ZNF723: variants seen among roughly 807,000 people sequenced by gnomAD.
ZNF723 encodes the protein zinc finger protein 723.
ZNF723 carries 5 observed loss-of-function variants against 9.4 expected under a neutral mutation model. The ratio of observed to expected loss-of-function variants is 0.53; its 90% CI spans 0.28 to 1.12. The LOEUF (loss-of-function observed/expected upper bound fraction) is 1.12. Among genes scored for constraint, ZNF723 ranks in the 50% most tolerant of loss-of-function variants. The pLI is 0.10. For synonymous variants in ZNF723, 158 were observed against 168.8 expected (o/e 0.94, Z 0.49); for missense variants, 450 against 501.5 (o/e 0.90, Z 0.98).
At chr19:22,853,785 T>C (rs1407090840) in intron 3 of ZNF723, among the ~76,000 whole-genome samples, 1 of 152,110 alleles carries the variant, frequency 6.6e-6, no homozygotes, top group Non-Finnish European at 1.5e-5. Flanking sequence ...AGCTAATTTT[T>C]GTATTTTTAG....
chr19:22,847,528 GAA>G (rs5827539), intron 1 of ZNF723, among the ~76,000 whole-genome samples: 3 of 144,920 alleles, frequency 2.1e-5, no homozygotes, highest in Admixed American at 6.9e-5. Flanking sequence ...AGATGTTCTG[GAA>G]AAAAAAAAAA....
At chr19:22,818,168 C>T in the ZNF723 span, among the ~76,000 whole-genome samples, 3 of 152,120 alleles carry the variant, frequency 2.0e-5, no homozygotes, top group East Asian at 5.8e-4. Context: ...AGTCATTGGT[C>T]CATAGCAGCA....
intron 3 of ZNF723, among the ~76,000 whole-genome samples, chr19:22,855,254 AGT>A (rs1967460703): frequency 7.2e-6 from 1 of 139,492 alleles, no homozygotes; most frequent in Non-Finnish European, 1.5e-5. Context: ...TTTGAGATGG[AGT>A]CTCTCTCTGT....
In ZNF723 at chr19:22,858,174, A is replaced by G; in HGVS notation, c.1283A>G (p.Lys428Arg). The G allele has an allele frequency of 7.1e-7, 1 of 1,404,530 alleles. No individual in the cohort carries two copies. Among genetic ancestry groups the G allele is most frequent in the South Asian group, 1.2e-5 (1 of 86,556 alleles). The allele number at this position is 1,404,530 out of a possible 1,614,324, so 87.0% of individuals were successfully genotyped here. The change falls in exon 4 of 4, where the codon AAA (lysine) becomes AGA (arginine). Residue 428 changes from lysine (K) to arginine (R), a missense_variant. Physicochemically the swap from Lys to Arg is conservative, Grantham distance 26. Transcript: ENST00000600766. Reference sequence around the variant, plus strand: ...ACTGGAGAAAGACCTTACAAATGTAAACAATGTGGTAAAGGTTTTAGCCAA... The same window carrying G: ...ACTGGAGAAAGACCTTACAAATGTAGACAATGTGGTAAAGGTTTTAGCCAA... Reference protein sequence around the residue: ...IHTGERPYKCKQCGKGFSQSS... With the variant: ...IHTGERPYKCRQCGKGFSQSS...
rs1186948330 is a variant in ZNF723 at position 22,849,217 on chromosome 19, A to G, written c.150A>G (p.Pro50=). 17 of 636,276 alleles carry G rather than the reference A, an allele frequency of 2.7e-5. No individual in the cohort carries two copies. 39.4% of individuals were successfully genotyped at this position (636,276 alleles called of 1,614,324 possible). ...AAACAGGTGTTGGTGTCTCTAAGCC[A>G]GATTTAATCACCTGTCTGGAGCAAG... is the stretch of plus-strand genomic sequence containing the variant. ...LVFLGVGVSK[P]DLITCLEQGK... The change falls in exon 3 of 4, where the codon CCA becomes CCG. Residue 50 remains proline (P), a synonymous_variant. Transcript: ENST00000600766.
chr19:22,851,249 G>A (rs977244716), intron 3 of ZNF723, among the ~76,000 whole-genome samples: 5 of 152,018 alleles, frequency 3.3e-5, no homozygotes, highest in African/African-American at 1.2e-4. Context: ...TTGGCTCACT[G>A]CAACCACTGC....
At chr19:22,854,206 A>T (rs1967438675) in intron 3 of ZNF723, among the ~76,000 whole-genome samples, 1 of 152,056 alleles carries the variant, frequency 6.6e-6, no homozygotes, top group Non-Finnish European at 1.5e-5. Flanking sequence ...TGACTCTATT[A>T]TTGTTAATTT....
chr19:22,832,161 C>A (rs1967105630), upstream of ZNF723, among the ~76,000 whole-genome samples: 1 of 152,200 alleles, frequency 6.6e-6, no homozygotes, highest in Admixed American at 6.5e-5. Context: ...CATCTGATCA[C>A]ATCTTCTGTC....
intron 3 of ZNF723, among the ~76,000 whole-genome samples, chr19:22,850,474 T>C (rs905808449): frequency 1.3e-5 from 2 of 150,008 alleles, no homozygotes; most frequent in African/African-American, 4.9e-5. Context: ...CCCAAAGTGC[T>C]GGGATCACAG....
At chr19:22,835,082 TGAGA>T (rs1967149801) in intron 1 of ZNF723, among the ~76,000 whole-genome samples, 10 of 138,616 alleles carry the variant, frequency 7.2e-5, no homozygotes, top group African/African-American at 1.6e-4. Context: ...TTTTTTTTTT[TGAGA>T]TGGAGTTTCT....
At chr19:22,838,384 T>C (rs2145209759) in intron 1 of ZNF723, among the ~76,000 whole-genome samples, 1 of 152,120 alleles carries the variant, frequency 6.6e-6, no homozygotes, top group East Asian at 1.9e-4. Flanking sequence ...AAACCCCGTC[T>C]CTACTAAAAA....
chr19:22,839,466 G>GTTTTT (rs34691832), intron 1 of ZNF723, among the ~76,000 whole-genome samples: 2 of 124,540 alleles, frequency 1.6e-5, no homozygotes, highest in African/African-American at 3.1e-5. Context: ...TTTTTTTTTG[G>GTTTTT]TTTTTTTTTT....
chr19:22,816,850 T>C, the ZNF723 span, among the ~76,000 whole-genome samples: 1 of 152,238 alleles, frequency 6.6e-6, no homozygotes, highest in Non-Finnish European at 1.5e-5. Context: ...CCTCCAGCCT[T>C]TCCTCTGCCT....
At chr19:22,832,523 C>A in intron 1 of ZNF723, 141 bp downstream of exon 1, 1 of 982,416 alleles carries the variant, frequency 1.0e-6, no homozygotes, top group Non-Finnish European at 1.5e-6. Flanking sequence ...CGGCCTCAGA[C>A]ACCTTCAGCG....
At chr19:22,829,360 A>T (rs1241306799), upstream of ZNF723, among the ~76,000 whole-genome samples, 2 of 150,220 alleles carry the variant, frequency 1.3e-5, no homozygotes, top group Non-Finnish European at 2.9e-5. Context: ...ATTTCCGTGC[A>T]CTACAACATC....
chr19:22,836,858 T>C (rs1201976965), intron 1 of ZNF723, among the ~76,000 whole-genome samples: 1 of 152,200 alleles, frequency 6.6e-6, no homozygotes, highest in African/African-American at 2.4e-5. Flanking sequence ...CTTTCTTCCA[T>C]TTGACATTTC....
intron 2 of ZNF723, among the ~76,000 whole-genome samples, chr19:22,848,970 G>C (rs1005256952): frequency 6.6e-6 from 1 of 152,022 alleles, no homozygotes; most frequent in Non-Finnish European, 1.5e-5. Context: ...GGCCAGGCTG[G>C]TCTCGAACTT....
chr19:22,841,809 A>C (rs1967248993), intron 1 of ZNF723, among the ~76,000 whole-genome samples: 1 of 152,048 alleles, frequency 6.6e-6, no homozygotes, highest in Non-Finnish European at 1.5e-5. Flanking sequence ...CCTATTGCTA[A>C]AATACCCACA....
At chr19:22,838,282 G>A (rs1461765790) in intron 1 of ZNF723, among the ~76,000 whole-genome samples, 1 of 152,036 alleles carries the variant, frequency 6.6e-6, no homozygotes, top group Non-Finnish European at 1.5e-5. Context: ...AGCCGGGCAC[G>A]GTGGCTCACA....
Sources: gnomAD v4.1 joint callset for allele counts (sites outside exome capture counted in the v4.1 genomes callset) on GRCh38, gnomAD v4.1.1 for gene constraint, MANE v1.5 for transcripts, NCBI Gene and HGNC (gene_info 2026-07-23, HGNC 2026-07-21) for gene names.